HUWE1: variants seen among roughly 807,000 people sequenced by gnomAD.
HUWE1 encodes the protein HECT, UBA and WWE domain containing E3 ubiquitin protein ligase 1.
HUWE1 carries 18 observed loss-of-function variants against 299.4 expected under a neutral mutation model. That is an observed-to-expected ratio of 0.06 (90% CI 0.04 to 0.09). The LOEUF is 0.09. Ranked by LOEUF, HUWE1 falls within the 10% of genes least tolerant of loss-of-function variation. HUWE1 has a pLI of 1.00. For missense variants in HUWE1, 1,832 were observed against 3,462.3 expected (o/e 0.53, Z 11.82); for synonymous variants, 1,317 against 1,286.1 (o/e 1.02, Z -0.51).
At chrX:53,653,008 A>G (rs782029349) in intron 4 of HUWE1, among the ~76,000 whole-genome samples, 1 of 112,100 alleles carries the variant, frequency 8.9e-6, no homozygotes, top group South Asian at 3.7e-4. Flanking sequence ...TTAGCCAGGC[A>G]TGGTGGCATG....
At chrX:53,683,949 G>C (rs917887369) in intron 2 of HUWE1, 1 of 292,992 alleles carries the variant, frequency 3.4e-6, no homozygotes, top group Admixed American at 6.3e-5. Flanking sequence ...AACGGCACGA[G>C]CCGAAGACCT....
At chrX:53,606,356 A>G (rs367860449) in intron 25 of HUWE1, among the ~76,000 whole-genome samples, 2 of 112,652 alleles carry the variant, frequency 1.8e-5, no homozygotes, top group Non-Finnish European at 3.8e-5. Flanking sequence ...AAGCACATGA[A>G]AAGATGTTCA....
chrX:53,549,477 G>A lies in HUWE1; in HGVS notation c.9517C>T (p.Leu3173Phe), dbSNP rs2061673126. ...AGAAGGAGCCGTCCTCGGAGGCGGA[G>A]GAGAGTATCTACATTACTGCCAGAA... ...RPSGSNVDTL[L>F]RLRGRLLLDH... Residue 3173 changes from leucine (L) to phenylalanine (F), a missense_variant, in exon 67 of 84, where the codon CTC (leucine) becomes TTC (phenylalanine). Around this residue, in one of 15 missense-constraint regions of HUWE1, gnomAD observed 91 missense variants for 281.2 expected, o/e 0.32. Coordinates refer to ENST00000262854, the MANE Select transcript of HUWE1 (RefSeq NM_031407.7). 8.3e-7 allele frequency: 1 copy of A among 1,207,016 alleles called. No individual in the cohort carries two copies. Among genetic ancestry groups the A allele is most frequent in the Non-Finnish European group, 1.1e-6 (1 of 894,804 alleles).
intron 7 of HUWE1, among the ~76,000 whole-genome samples, chrX:53,638,013 G>C (rs1249771598): frequency 9.0e-6 from 1 of 111,118 alleles, no homozygotes; most frequent in Admixed American, 9.6e-5. Flanking sequence ...GCTTTCTCAA[G>C]TACTAAGTAA....
chrX:53,648,846 C>T (rs1399027393), intron 4 of HUWE1, among the ~76,000 whole-genome samples: 1 of 111,654 alleles, frequency 9.0e-6, no homozygotes, highest in African/African-American at 3.3e-5. Context: ...TTCCGAACTT[C>T]GTAAAACTAG....
At chrX:53,619,506 G>GT (rs782181787) in intron 19 of HUWE1, among the ~76,000 whole-genome samples, 6 of 105,872 alleles carry the variant, frequency 5.7e-5, no homozygotes, top group Non-Finnish European at 1.2e-4. Context: ...GCAACCAGCT[G>GT]TGTGTGGAAC....
intron 50 of HUWE1, among the ~76,000 whole-genome samples, 169 bp downstream of exon 50, chrX:53,564,898 G>C (rs1463640873): frequency 8.9e-6 from 1 of 112,552 alleles, no homozygotes; most frequent in Non-Finnish European, 1.9e-5. Context: ...GCCAAACAAG[G>C]CTGCATTTTG....
rs782271618 is a variant in HUWE1 at position 53,559,468 on chromosome X, G to C, written c.7801C>G (p.Arg2601Gly). The change falls in exon 57 of 84, where the codon CGG (arginine) becomes GGG (glycine). Residue 2601 changes from arginine to glycine, a missense_variant. Arg to Gly is a moderately radical substitution (Grantham distance 125, BLOSUM62 -2). Transcript: ENST00000262854. ...CCTACCAGGAGGCGGGCCCGACCCC[G>C]GCTTTGTAGGGGAAGGCTGCTGCTC... ...QLSSSLPLQS[R>G]GRARLLVGND... 8.3e-7 allele frequency: 1 copy of C among 1,211,050 alleles called. No individual in the cohort carries two copies. The highest frequency in any genetic ancestry group is 2.2e-5 in the Admixed American group (1 of 46,038).
chrX:53,560,425 A>T lies in HUWE1; in HGVS notation c.7508-9T>A, dbSNP rs782307495. The T allele has an allele frequency of 4.2e-6, 5 of 1,195,310 alleles. No homozygotes were observed. Among genetic ancestry groups the T allele is most frequent in the Non-Finnish European group, 5.7e-6 (5 of 881,195 alleles). ...GGATGGGGGGATGTCTGCTGCAAGG[A>T]CAATATGTAAAAGGGTCAGTGTCAA... On this transcript the variant is annotated splice_polypyrimidine_tract_variant and intron_variant, in intron 55 of 83. Transcript: ENST00000262854.
intron 16 of HUWE1, 78 bp from the exon 17 acceptor site, chrX:53,627,593 T>A: frequency 1.3e-6 from 1 of 762,125 alleles, no homozygotes; most frequent in Non-Finnish European, 1.9e-6. Flanking sequence ...AAAACTATTA[T>A]AATGGAAAAA....
intron 7 of HUWE1, among the ~76,000 whole-genome samples, chrX:53,639,160 G>A (rs185011654): frequency 8.3e-4 from 93 of 111,800 alleles, no homozygotes; most frequent in African/African-American, 3.0e-3. Context: ...TACAGAGTAG[G>A]AAAAAGTAAC....
intron 23 of HUWE1, 132 bp from the exon 24 acceptor site, chrX:53,609,041 AG>A (rs1241736549): frequency 2.0e-6 from 1 of 494,929 alleles, no homozygotes; most frequent in African/African-American, 2.4e-5. Context: ...TTTTTGAGAC[AG>A]GGTCTTGCTG....
chrX:53,630,391 T>C lies in HUWE1; in HGVS notation c.862+544A>G, dbSNP rs1266899433. Among the ~76,000 whole-genome samples the C allele has an allele frequency of 2.7e-5, 3 of 111,824 alleles. No individual in the cohort carries two copies. In the East Asian group the frequency reaches 8.4e-4, roughly 31 times the overall value. ...TTTTCATTTAATCTTTAGACCAGCC[T>C]CTACGGTGAGTACCTCAATATTAAA... On this transcript the variant is annotated intron_variant, in intron 12 of 83. Transcript: ENST00000262854.
Position 53,547,774 on chromosome X carries a change from G to A in HUWE1, c.10535C>T (p.Thr3512Ile). ...GGCAGCAACCAGGGCTGGAGCAGAA[G>A]TGACAGGGGTGGGTGCAGTAGGGGG... ...PTPPTAPTPV[T>I]SAPALVAATA... Residue 3512 changes from threonine to isoleucine, a missense_variant, in exon 68 of 84, where the codon ACT (threonine) becomes ATT (isoleucine). Coordinates refer to ENST00000262854, the MANE Select transcript of HUWE1 (RefSeq NM_031407.7). 1 of 1,202,333 alleles carries A rather than the reference G, an allele frequency of 8.3e-7. No homozygotes were observed. Among genetic ancestry groups the A allele is most frequent in the Non-Finnish European group, 1.1e-6 (1 of 889,893 alleles).
At chrX:53,656,542 C>CAA (rs1275218246) in intron 3 of HUWE1, among the ~76,000 whole-genome samples, 442 of 13,448 alleles carry the variant, frequency 0.033, 34 homozygotes, top group African/African-American at 0.089. Context: ...ACTCCAGTCT[C>CAA]AAAAAAAAAA....
chrX:53,640,978 T>C (rs1178371985), intron 7 of HUWE1, among the ~76,000 whole-genome samples: 6 of 111,990 alleles, frequency 5.4e-5, no homozygotes, highest in Non-Finnish European at 1.1e-4. Flanking sequence ...TGTGGTCCTA[T>C]ACAAATAACC....
chrX:53,648,366 A>C, intron 4 of HUWE1, 56 bp from the exon 5 acceptor site: 1 of 724,367 alleles, frequency 1.4e-6, no homozygotes, highest in Non-Finnish European at 2.1e-6. Flanking sequence ...GTTGCAAATA[A>C]GGAGAATCAG....
At position 53,552,819 on chromosome X, in the gene HUWE1, T is replaced by C. The variant is rs782041104; in HGVS notation, c.8569A>G (p.Met2857Val). Reference sequence around the variant, plus strand: ...CAGGAAGCCAGGCTGCTTGTATCCATAGGAGAGCCTTCTAGCTGACTGCTG... The same window carrying C: ...CAGGAAGCCAGGCTGCTTGTATCCACAGGAGAGCCTTCTAGCTGACTGCTG... ...AVSSQLEGSP[M>V]DTSSLASCTL... Residue 2857 changes from methionine (M) to valine (V), a missense_variant, in exon 62 of 84, where the codon ATG (methionine) becomes GTG (valine). Physicochemically the swap from Met to Val is conservative, Grantham distance 21 (BLOSUM62 1). Coordinates refer to ENST00000262854, the MANE Select transcript of HUWE1 (RefSeq NM_031407.7). The C allele has an allele frequency of 8.3e-7, 1 of 1,211,198 alleles. No individual in the cohort carries two copies. The highest frequency in any genetic ancestry group is 1.1e-6 in the Non-Finnish European group (1 of 894,977).
At chrX:53,677,246 CTG>C (rs1158710200) in intron 3 of HUWE1, among the ~76,000 whole-genome samples, 1 of 110,098 alleles carries the variant, frequency 9.1e-6, no homozygotes, top group Non-Finnish European at 1.9e-5. Context: ...ATCAGAAACT[CTG>C]GGAGTGGGGA....
Sources: allele counts gnomAD v4.1 joint callset (sites outside exome capture counted in the v4.1 genomes callset), GRCh38; gene constraint gnomAD v4.1.1; regional missense constraint gnomAD v4.1.1; transcripts MANE v1.5; gene names NCBI Gene and HGNC (gene_info 2026-07-23, HGNC 2026-07-21).